Variants in NKX2-8 observed in about 807,000 individuals in gnomAD.
The protein encoded by NKX2-8 is homeobox protein Nkx-2.8.
In NKX2-8, 8 loss-of-function variants were observed where a neutral mutation model predicts 6.4. That is an observed-to-expected ratio of 1.24 (90% CI 0.73 to 2.24). NKX2-8 has a LOEUF of 2.24. Among genes scored for constraint, NKX2-8 ranks in the 30% most tolerant of loss-of-function variants. The pLI, the probability that NKX2-8 is intolerant of heterozygous loss-of-function variation, is 0.00. For missense variants in NKX2-8, 406 were observed against 351.1 expected, an observed-to-expected ratio of 1.16 and a Z score of -1.25; for synonymous variants, 216 against 171.5, an observed-to-expected ratio of 1.26 and a Z score of -2.03.
In NKX2-8 at chr14:36,580,991, A is replaced by T; in HGVS notation, c.631T>A (p.Tyr211Asn). The T allele has an allele frequency of 1.5e-6, 2 of 1,351,672 alleles. No individual in the cohort carries two copies. Among genetic ancestry groups the T allele is most frequent in the Non-Finnish European group, 1.9e-6 (2 of 1,060,574 alleles). The allele number at this position is 1,351,672 out of a possible 1,614,324, so 83.7% of individuals were successfully genotyped here. ...PPAAACPLPGYPAFGPGSALG... is the reference protein window; with the variant it reads ...PPAAACPLPGNPAFGPGSALG... ...GCCGAGCCGGGACCGAAGGCAGGGT[A>T]GCCCGGCAGAGGGCAGGCGGCGGCT... The change falls in exon 2 of 2, where the codon TAC becomes AAC. Residue 211 changes from tyrosine (Y) to asparagine (N), a missense_variant. Coordinates refer to ENST00000258829, the MANE Select transcript of NKX2-8 (RefSeq NM_014360.4).
chr14:36,581,337 C>T lies in NKX2-8; in HGVS notation c.285G>A (p.Gln95=), dbSNP rs368998134. The change falls in exon 2 of 2, where the codon CAG becomes CAA. Residue 95 remains glutamine (Q), a synonymous_variant. Transcript: ENST00000258829. The surrounding 1 kb of genome is among the most constrained non-coding windows in gnomAD (Gnocchi z 5.6). The part of the protein sequence containing the change: ...KKRRVLFSKA[Q]TLELERRFRQ... ...GGAAGCGCCGCTCCAACTCCAGCGT[C>T]TGCGCCTTGGAGAATAGCACCCGCC... 2.5e-6 allele frequency: 4 copies of T among 1,575,026 alleles called. No homozygotes were observed. The highest frequency in any genetic ancestry group is 1.7e-4 in the Middle Eastern group (1 of 5,886).
At position 36,582,345 on chromosome 14, in the gene NKX2-8, T is replaced by C; in HGVS notation, c.45A>G (p.Leu15=). 1 of 1,599,114 alleles carries C rather than the reference T, an allele frequency of 6.3e-7. No individual in the cohort carries two copies. The highest frequency in any genetic ancestry group is 8.5e-7 in the Non-Finnish European group (1 of 1,171,136). Residue 15 remains leucine, a synonymous_variant, in exon 1 of 2, where the codon CTA becomes CTG. Coordinates refer to ENST00000258829, the MANE Select transcript of NKX2-8 (RefSeq NM_014360.4). The part of the protein sequence containing the change: ...GRLSFTVRSL[L]DLPEQDAQHL... ...GTTGCGCGTCCTGCTCGGGTAAATC[T>C]AGAAGGCTGCGCACGGTGAAGCTCA...
rs776831403 is a variant in NKX2-8 at position 36,582,213 on chromosome 14, G to A, written c.157+20C>T. 9 of 1,594,798 alleles carry A rather than the reference G, an allele frequency of 5.6e-6. No individual in the cohort carries two copies. Among genetic ancestry groups the A allele is most frequent in the Admixed American group, 1.7e-5 (1 of 58,434 alleles). On this transcript the variant is annotated intron_variant, in intron 1 of 1. Coordinates refer to ENST00000258829, the MANE Select transcript of NKX2-8 (RefSeq NM_014360.4). ...CGCCTCCTACCTCCCACCCCGCACC[G>A]CAATCCACCACGCACTTACAAGGGT...
Position 36,581,073 on chromosome 14 carries a change from G to A in NKX2-8, c.549C>T (p.Gly183=), listed in dbSNP as rs1879212171. 1.4e-6 allele frequency: 2 copies of A among 1,382,984 alleles called. No individual in the cohort carries two copies. Among genetic ancestry groups the A allele is most frequent in the Admixed American group, 3.7e-5 (1 of 26,772 alleles). 85.7% of individuals were successfully genotyped at this position (1,382,984 alleles called of 1,614,324 possible). A position where few individuals can be genotyped will look rare whatever the true frequency, so the allele number is the denominator to read the frequency against. Residue 183 remains glycine, a synonymous_variant, in exon 2 of 2, where the codon GGC becomes GGT. Transcript: ENST00000258829. This position sits in a 1 kb window ranked among gnomAD's most constrained non-coding sequence, Gnocchi z 5.6. ...VLVRDGQPCG[G]GGGGEVGTAA... Reference sequence around the variant, plus strand: ...CGGTTCCCACCTCGCCACCGCCGCCGCCGCCGCACGGCTGCCCGTCGCGAA... The same window carrying A: ...CGGTTCCCACCTCGCCACCGCCGCCACCGCCGCACGGCTGCCCGTCGCGAA...
chr14:36,581,110 A>T lies in NKX2-8; in HGVS notation c.512T>A (p.Val171Glu). ...AAPGLLRRVVVPVLVRDGQPC... is the reference protein window; with the variant it reads ...AAPGLLRRVVEPVLVRDGQPC... Reference sequence around the variant, plus strand: ...CTGCCCGTCGCGAACAAGCACCGGCACCACCACGCGACGCAGCAGGCCGGG... The same window carrying T: ...CTGCCCGTCGCGAACAAGCACCGGCTCCACCACGCGACGCAGCAGGCCGGG... Residue 171 changes from valine (V) to glutamate (E), a missense_variant, in exon 2 of 2, where the codon GTG becomes GAG. Val to Glu is a moderately radical substitution (Grantham distance 121, BLOSUM62 -2). Coordinates refer to ENST00000258829, the MANE Select transcript of NKX2-8 (RefSeq NM_014360.4). This position sits in a 1 kb window ranked among gnomAD's most constrained non-coding sequence, Gnocchi z 5.6. 1 of 1,461,912 alleles carries T rather than the reference A, an allele frequency of 6.8e-7. No individual in the cohort carries two copies. Among genetic ancestry groups the T allele is most frequent in the South Asian group, 1.4e-5 (1 of 71,028 alleles). The allele number at this position is 1,461,912 out of a possible 1,614,324, so 90.6% of individuals were successfully genotyped here.
Position 36,582,306 on chromosome 14 carries a change from C to A in NKX2-8, c.84G>T (p.Arg28=), listed in dbSNP as rs1157712325. Residue 28 remains arginine, a synonymous_variant, in exon 1 of 2, where the codon CGG becomes CGT. Coordinates refer to ENST00000258829, the MANE Select transcript of NKX2-8 (RefSeq NM_014360.4). ...GCTGGGGGGCGCGTGGTTCTGGCTC[C>A]CGCCTCGGCAGGTGTTGCGCGTCCT... The part of the protein sequence containing the change: ...PEQDAQHLPR[R]EPEPRAPQPD... 7 of 1,607,906 alleles carry A rather than the reference C, an allele frequency of 4.4e-6. No individual in the cohort carries two copies. The highest frequency in any genetic ancestry group is 3.4e-5 in the Admixed American group (2 of 59,422).
At position 36,581,399 on chromosome 14, in the gene NKX2-8, C is replaced by T; in HGVS notation, c.223G>A (p.Ala75Thr). 4 of 1,594,860 alleles carry T rather than the reference C, an allele frequency of 2.5e-6. No homozygotes were observed. The highest frequency in any genetic ancestry group is 3.4e-6 in the Non-Finnish European group (4 of 1,171,562). The change falls in exon 2 of 2, where the codon GCG becomes ACG. Residue 75 changes from alanine to threonine, a missense_variant. Ala to Thr is a moderately conservative substitution (Grantham distance 58). Coordinates refer to ENST00000258829, the MANE Select transcript of NKX2-8 (RefSeq NM_014360.4). The surrounding 1 kb of genome is among the most constrained non-coding windows in gnomAD (Gnocchi z 5.6). ...TTCTCGGCGTCCGAGCCCGGAGACGCGGGCCTAGCGGACGGCCGCTGCGAC... is the reference window on the plus strand; with the variant it reads ...TTCTCGGCGTCCGAGCCCGGAGACGTGGGCCTAGCGGACGGCCGCTGCGAC... The part of the protein sequence containing the change: ...DSSQRPSARP[A>T]SPGSDAEKRK...
Position 36,581,039 on chromosome 14 carries a change from G to A in NKX2-8, c.583C>T (p.Gln195Ter). ...GCTGGAGGGGCGCCGCACTTCTCCT[G>A]GGCCGCGGCGGTTCCCACCTCGCCA... ...GGGEVGTAAA[Q>*]EKCGAPPAAA... Residue 195 changes from glutamine (Q) to a stop codon, truncating the protein, a stop_gained, in exon 2 of 2, where the codon CAG becomes TAG. Transcript: ENST00000258829. LOFTEE classifies it low-confidence loss of function (END_TRUNC). The surrounding 1 kb of genome is among the most constrained non-coding windows in gnomAD (Gnocchi z 5.6). 7.3e-7 allele frequency: 1 copy of A among 1,367,338 alleles called. No individual in the cohort carries two copies. Among genetic ancestry groups the A allele is most frequent in the Non-Finnish European group, 9.3e-7 (1 of 1,072,156 alleles). 84.7% of individuals were successfully genotyped at this position (1,367,338 alleles called of 1,614,324 possible).
In NKX2-8 at chr14:36,581,884, C is replaced by T. The variant is rs370864447; in HGVS notation, c.157+349G>A. ...AACACTGGCCATCCCAGACGGAGGC[C>T]TGGAGATCGTGGCCGTGTTTTCAGG... On this transcript the variant is annotated intron_variant, in intron 1 of 1. Coordinates refer to ENST00000258829, the MANE Select transcript of NKX2-8 (RefSeq NM_014360.4). The surrounding 1 kb of genome is among the most constrained non-coding windows in gnomAD (Gnocchi z 5.6). Among the ~76,000 whole-genome samples, 151 of 106,424 alleles carry T rather than the reference C, an allele frequency of 1.4e-3. No individual in the cohort carries two copies. Among genetic ancestry groups the T allele is most frequent in the African/African-American group, 5.5e-3 (146 of 26,624 alleles). 69.8% of individuals were successfully genotyped at this position (106,424 alleles called of 152,430 possible).
At position 36,581,293 on chromosome 14, in the gene NKX2-8, G is replaced by T; in HGVS notation, c.329C>A (p.Ser110Tyr). Residue 110 changes from serine (S) to tyrosine (Y), a missense_variant, in exon 2 of 2, where the codon TCT (serine) becomes TAT (tyrosine). Transcript: ENST00000258829. This position sits in a 1 kb window ranked among gnomAD's most constrained non-coding sequence, Gnocchi z 5.6. Reference protein sequence around the residue: ...ERRFRQQRYLSAPEREQLASL... With the variant: ...ERRFRQQRYLYAPEREQLASL... Reference sequence around the variant, plus strand: ...CGCCAGCTGCTCGCGCTCGGGCGCAGACAGGTACCGCTGCTGCCGGAAGCG... The same window carrying T: ...CGCCAGCTGCTCGCGCTCGGGCGCATACAGGTACCGCTGCTGCCGGAAGCG... 1 of 1,598,184 alleles carries T rather than the reference G, an allele frequency of 6.3e-7. No homozygotes were observed. The highest frequency in any genetic ancestry group is 1.7e-5 in the Admixed American group (1 of 57,562).
Position 36,582,302 on chromosome 14 carries a change from G to C in NKX2-8, c.88C>G (p.Pro30Ala). 1.2e-6 allele frequency: 2 copies of C among 1,608,260 alleles called. No individual in the cohort carries two copies. Among genetic ancestry groups the C allele is most frequent in the African/African-American group, 2.7e-5 (2 of 74,896 alleles). The change falls in exon 1 of 2, where the codon CCA becomes GCA. Residue 30 changes from proline to alanine, a missense_variant. Physicochemically the swap from Pro to Ala is conservative, Grantham distance 27. Coordinates refer to ENST00000258829, the MANE Select transcript of NKX2-8 (RefSeq NM_014360.4). ...QDAQHLPRRE[P>A]EPRAPQPDPC... ...TCGGGCTGGGGGGCGCGTGGTTCTG[G>C]CTCCCGCCTCGGCAGGTGTTGCGCG...
At position 36,582,286 on chromosome 14, in the gene NKX2-8, G is replaced by C. The variant is rs1262512943; in HGVS notation, c.104C>G (p.Pro35Arg). 4 of 1,608,920 alleles carry C rather than the reference G, an allele frequency of 2.5e-6. No homozygotes were observed. The Admixed American group carries it at 6.7e-5, about 27-fold the overall frequency. Residue 35 changes from proline to arginine, a missense_variant, in exon 1 of 2, where the codon CCC (proline) becomes CGC (arginine). Coordinates refer to ENST00000258829, the MANE Select transcript of NKX2-8 (RefSeq NM_014360.4). ...LPRREPEPRA[P>R]QPDPCAAWLD... ...CCAGGCGGCGCAGGGGTCGGGCTGG[G>C]GGGCGCGTGGTTCTGGCTCCCGCCT...
intron 1 of NKX2-8, 114 bp downstream of exon 1, chr14:36,582,119 T>A: frequency 8.3e-7 from 1 of 1,204,414 alleles, no homozygotes; most frequent in Non-Finnish European, 1.1e-6. Flanking sequence ...ACTGAGGAAA[T>A]CTAGACTCTG....
rs1450013246 is a variant in NKX2-8 at position 36,580,309 on chromosome 14, C to G, written c.*593G>C. Among the ~76,000 whole-genome samples the G allele has an allele frequency of 3.3e-5, 5 of 152,196 alleles. No homozygotes were observed. Among genetic ancestry groups the G allele is most frequent in the Admixed American group, 3.3e-4 (5 of 15,286 alleles). On this transcript the variant is annotated 3_prime_UTR_variant, in exon 2 of 2. Transcript: ENST00000258829. ...TCACTCTGGGGCCAGTGACGCCTCCCGCTGACAAGAATCCCAAAGTTGCCT... is the reference window on the plus strand; with the variant it reads ...TCACTCTGGGGCCAGTGACGCCTCCGGCTGACAAGAATCCCAAAGTTGCCT...
Position 36,580,493 on chromosome 14 carries a change from C to A in NKX2-8, c.*409G>T, listed in dbSNP as rs1026032671. On this transcript the variant is annotated 3_prime_UTR_variant, in exon 2 of 2. Transcript: ENST00000258829. Reference sequence around the variant, plus strand: ...CCAGTCAAGGGGCGAGCCAGCGATGCGAACACCGGTCTGGGGGGCACGACT... The same window carrying A: ...CCAGTCAAGGGGCGAGCCAGCGATGAGAACACCGGTCTGGGGGGCACGACT... The A allele has an allele frequency of 2.6e-5, 4 of 156,602 alleles. No homozygotes were observed. The highest frequency in any genetic ancestry group is 2.8e-5 in the Non-Finnish European group (2 of 71,194). The allele number at this position is 156,602 out of a possible 1,614,324, so 9.7% of individuals were successfully genotyped here. A position where few individuals can be genotyped will look rare whatever the true frequency, so the allele number is the denominator to read the frequency against.
rs567008454 is a variant in NKX2-8 at position 36,581,031 on chromosome 14, C to T, written c.591G>A (p.Lys197=). 5 of 1,353,084 alleles carry T rather than the reference C, an allele frequency of 3.7e-6. No homozygotes were observed. In the East Asian group the frequency reaches 9.1e-5, roughly 25 times the overall value. The allele number at this position is 1,353,084 out of a possible 1,614,324, so 83.8% of individuals were successfully genotyped here. A position where few individuals can be genotyped will look rare whatever the true frequency, so the allele number is the denominator to read the frequency against. The change falls in exon 2 of 2, where the codon AAG becomes AAA. Residue 197 remains lysine, a synonymous_variant. Transcript: ENST00000258829. This position sits in a 1 kb window ranked among gnomAD's most constrained non-coding sequence, Gnocchi z 5.6. ...GEVGTAAAQE[K]CGAPPAAACP... is the part of the protein sequence containing the mutation. ...AGGCGGCGGCTGGAGGGGCGCCGCA[C>T]TTCTCCTGGGCCGCGGCGGTTCCCA...
Position 36,580,581 on chromosome 14 carries a change from C to A in NKX2-8, c.*321G>T, listed in dbSNP as rs1879185288. 1 of 230,928 alleles carries A rather than the reference C, an allele frequency of 4.3e-6. No individual in the cohort carries two copies. The highest frequency in any genetic ancestry group is 8.3e-6 in the Non-Finnish European group (1 of 120,102). 14.3% of individuals were successfully genotyped at this position (230,928 alleles called of 1,614,324 possible). A position where few individuals can be genotyped will look rare whatever the true frequency, so the allele number is the denominator to read the frequency against. ...CCCCACACATTTTATTCTCGAACTACGAGGAAAAATACTCTATTTTTTAAA... is the reference window on the plus strand; with the variant it reads ...CCCCACACATTTTATTCTCGAACTAAGAGGAAAAATACTCTATTTTTTAAA... On this transcript the variant is annotated 3_prime_UTR_variant, in exon 2 of 2. Coordinates refer to ENST00000258829, the MANE Select transcript of NKX2-8 (RefSeq NM_014360.4).
chr14:36,581,357 C>G lies in NKX2-8; in HGVS notation c.265G>C (p.Val89Leu), dbSNP rs1879231035. Residue 89 changes from valine to leucine, a missense_variant, in exon 2 of 2, where the codon GTG becomes CTG. By Grantham distance (32) the Val-to-Leu change is conservative. Transcript: ENST00000258829. The surrounding 1 kb of genome is among the most constrained non-coding windows in gnomAD (Gnocchi z 5.6). ...AGCGTCTGCGCCTTGGAGAATAGCA[C>G]CCGCCGCTTCTTCCTTTTCTCGGCG... is the stretch of plus-strand genomic sequence containing the variant. Reference protein sequence around the residue: ...SDAEKRKKRRVLFSKAQTLEL... With the variant: ...SDAEKRKKRRLLFSKAQTLEL... 3 of 1,581,598 alleles carry G rather than the reference C, an allele frequency of 1.9e-6. No individual in the cohort carries two copies. The highest frequency in any genetic ancestry group is 2.6e-6 in the Non-Finnish European group (3 of 1,163,504).
rs549242615 is a variant in NKX2-8 at position 36,581,980 on chromosome 14, C to T, written c.157+253G>A. Among the ~76,000 whole-genome samples, 383 of 152,198 alleles carry T rather than the reference C, an allele frequency of 2.5e-3. 2 individuals carry two copies. Among genetic ancestry groups the T allele is most frequent in the African/African-American group, 8.7e-3 (363 of 41,544 alleles). On this transcript the variant is annotated intron_variant, in intron 1 of 1. Coordinates refer to ENST00000258829, the MANE Select transcript of NKX2-8 (RefSeq NM_014360.4). The surrounding 1 kb of genome is among the most constrained non-coding windows in gnomAD (Gnocchi z 5.6). ...GCGTTTTAAATTTCAATTATTCCGA[C>T]CTCTAGAAATCGTCAGACACAGAAA... is the stretch of plus-strand genomic sequence containing the variant.
Sources: gnomAD v4.1 joint callset for allele counts (sites outside exome capture counted in the v4.1 genomes callset) on GRCh38, gnomAD v4.1.1 for gene constraint, Gnocchi (gnomAD v3.1) non-coding constraint, MANE v1.5 for transcripts, NCBI Gene and HGNC (gene_info 2026-07-23, HGNC 2026-07-21) for gene names.